COL25A1: variants seen among roughly 807,000 people sequenced by gnomAD.
COL25A1 encodes collagen alpha-1(XXV) chain.
In COL25A1, 103 loss-of-function variants were observed where a neutral mutation model predicts 128.4. The observed-to-expected ratio is 0.80, with a 90% CI of 0.68 to 0.94. The LOEUF is 0.94. Among genes scored for constraint, COL25A1 ranks in the 40% least tolerant of loss-of-function variants. The pLI is 0.00. For missense variants in COL25A1, 745 were observed against 840.0 expected (o/e 0.89, Z 1.40); for synonymous variants, 279 against 277.2 (o/e 1.01, Z -0.06).
rs1192085458 is a variant in COL25A1, at chr4:108,998,062, C to T, written c.438+12296G>A. Among the ~76,000 whole-genome samples, 5 of 152,112 alleles carry T rather than the reference C, an allele frequency of 3.3e-5. No homozygotes were observed. The East Asian group carries it at 5.8e-4, about 18-fold the overall frequency. Reference sequence around the variant, plus strand: ...TGGAAGCATTCCCTTTGAAAACTGGCACAAGACAAGAATGCCCCCTCTCAC... The same window carrying T: ...TGGAAGCATTCCCTTTGAAAACTGGTACAAGACAAGAATGCCCCCTCTCAC... On this transcript the variant is annotated intron_variant, in intron 6 of 37. Transcript: ENST00000399132.
chr4:109,123,290 T>C (rs756888973), intron 3 of COL25A1, among the ~76,000 whole-genome samples: 8 of 151,824 alleles, frequency 5.3e-5, no homozygotes, highest in Non-Finnish European at 1.0e-4. Context: ...ATGCCAGTGA[T>C]ACTAGAGTGA....
intron 3 of COL25A1, among the ~76,000 whole-genome samples, chr4:109,129,670 T>G (rs1368703399): frequency 6.6e-6 from 1 of 152,184 alleles, no homozygotes; most frequent in African/African-American, 2.4e-5. Context: ...GTCTTTGATT[T>G]GTAAAATTTG....
chr4:109,022,898 G>A (rs1485334670), intron 5 of COL25A1, among the ~76,000 whole-genome samples: 1 of 152,070 alleles, frequency 6.6e-6, no homozygotes, highest in Non-Finnish European at 1.5e-5. Flanking sequence ...TGTTGCTTTG[G>A]GGTGGAAATG....
chr4:109,210,390 C>G (rs1388887742), intron 3 of COL25A1, among the ~76,000 whole-genome samples: 1 of 152,148 alleles, frequency 6.6e-6, no homozygotes, highest in Admixed American at 6.6e-5. Flanking sequence ...AGATAATGGT[C>G]TAAGTTCAAA....
chr4:108,825,723 A>C (rs1157760680), intron 33 of COL25A1, among the ~76,000 whole-genome samples: 2 of 152,228 alleles, frequency 1.3e-5, no homozygotes, highest in Non-Finnish European at 2.9e-5. Context: ...TTGATAACTT[A>C]GTAGTTAGCT....
chr4:109,188,797 T>C (rs563905242), intron 3 of COL25A1, among the ~76,000 whole-genome samples: 1 of 152,112 alleles, frequency 6.6e-6, no homozygotes, highest in Admixed American at 6.5e-5. Context: ...AAATCCTCCA[T>C]AGAATGCAAA....
intron 8 of COL25A1, among the ~76,000 whole-genome samples, chr4:108,962,365 G>C (rs1285891782): frequency 6.6e-6 from 1 of 151,900 alleles, no homozygotes; most frequent in Non-Finnish European, 1.5e-5. Context: ...ATTTTCAGTA[G>C]AGACAGTGTT....
chr4:109,163,075 C>T (rs531281955), intron 3 of COL25A1, among the ~76,000 whole-genome samples: 4 of 152,218 alleles, frequency 2.6e-5, no homozygotes, highest in East Asian at 1.9e-4. Context: ...GTTCAACAAC[C>T]TTTCACCTCC....
At chr4:108,904,974 T>C (rs893251861) in intron 13 of COL25A1, among the ~76,000 whole-genome samples, 1 of 152,156 alleles carries the variant, frequency 6.6e-6, no homozygotes, top group Non-Finnish European at 1.5e-5. Context: ...GCCATACAAT[T>C]ATTTCAGGTA....
Position 109,160,716 on chromosome 4 carries a change from G to A in COL25A1, c.368-110537C>T, listed in dbSNP as rs550625569. ...CAGCAGGAAGAGCTCTATGACCCAC[G>A]CACTGACCCCAAGGGATGGCCAGTG... On this transcript the variant is annotated intron_variant, in intron 3 of 37. Transcript: ENST00000399132. Among the ~76,000 whole-genome samples the A allele has an allele frequency of 2.0e-5, 3 of 152,208 alleles. No individual in the cohort carries two copies. In the East Asian group the frequency reaches 5.8e-4, roughly 29 times the overall value.
chr4:108,841,834 G>T, intron 30 of COL25A1, 113 bp from the exon 31 acceptor site: 1 of 876,598 alleles, frequency 1.1e-6, no homozygotes, highest in Non-Finnish European at 1.9e-6. Flanking sequence ...TCTTGTTTGA[G>T]CTATAGGTAG....
chr4:109,266,002 C>A (rs1781766222), intron 3 of COL25A1, among the ~76,000 whole-genome samples: 1 of 149,250 alleles, frequency 6.7e-6, no homozygotes, highest in African/African-American at 2.5e-5. Flanking sequence ...ATACTACCTC[C>A]AAACATTTCC....
At chr4:109,021,108 G>A (rs1757704156) in intron 5 of COL25A1, among the ~76,000 whole-genome samples, 1 of 152,210 alleles carries the variant, frequency 6.6e-6, no homozygotes, top group Non-Finnish European at 1.5e-5. Context: ...ACTCTACTGT[G>A]TACTGTGTTG....
chr4:109,299,568 G>A (rs777107949), intron 3 of COL25A1, among the ~76,000 whole-genome samples: 9 of 152,016 alleles, frequency 5.9e-5, no homozygotes, highest in Non-Finnish European at 2.9e-5. Flanking sequence ...AGGGGGAAAC[G>A]TTTCAGAATA....
At chr4:108,874,385 A>C (rs1178744392) in intron 19 of COL25A1, among the ~76,000 whole-genome samples, 4 of 152,230 alleles carry the variant, frequency 2.6e-5, no homozygotes, top group Non-Finnish European at 4.4e-5. Context: ...GAGTAGACAA[A>C]GTGACGGAGG....
intron 3 of COL25A1, among the ~76,000 whole-genome samples, chr4:109,131,305 G>A (rs1406776008): frequency 1.3e-5 from 2 of 149,630 alleles, no homozygotes; most frequent in Non-Finnish European, 2.9e-5. Flanking sequence ...TTTTAAAAGT[G>A]TGACTATTAG....
At chr4:109,201,333 G>C (rs555327948) in intron 3 of COL25A1, among the ~76,000 whole-genome samples, 3 of 152,098 alleles carry the variant, frequency 2.0e-5, no homozygotes, top group Admixed American at 2.0e-4. Context: ...AGACCAATTT[G>C]ACATTTAAAA....
chr4:108,992,974 G>A (rs1182093466), intron 6 of COL25A1, among the ~76,000 whole-genome samples: 1 of 152,122 alleles, frequency 6.6e-6, no homozygotes, highest in African/African-American at 2.4e-5. Flanking sequence ...TATATACATT[G>A]TAGAATGACC....
intron 32 of COL25A1, among the ~76,000 whole-genome samples, chr4:108,831,282 T>C (rs1286074465): frequency 6.6e-6 from 1 of 152,130 alleles, no homozygotes; most frequent in East Asian, 1.9e-4. Flanking sequence ...ATTAGCAAAA[T>C]AGGCTTTACC....
Sources: gnomAD v4.1 joint callset for allele counts (sites outside exome capture counted in the v4.1 genomes callset) on GRCh38, gnomAD v4.1.1 for gene constraint, MANE v1.5 for transcripts, NCBI Gene and HGNC (gene_info 2026-07-23, HGNC 2026-07-21) for gene names.